The following ARFGEF3 variants were observed in gnomAD, a reference collection of about 807,000 sequenced individuals.
ARFGEF3 encodes the protein ARFGEF family member 3.
In ARFGEF3, 96 loss-of-function variants were observed where a neutral mutation model predicts 221.7. The ratio of observed to expected loss-of-function variants is 0.43; its 90% CI spans 0.37 to 0.51. The LOEUF is 0.51. ARFGEF3 is among the 20% of genes least tolerant of loss of function. The probability of loss-of-function intolerance (pLI) is 0.00; values close to 1 mark genes in which losing one functional copy is unlikely to be tolerated. For synonymous variants in ARFGEF3, 1,145 were observed against 1,126.8 expected (o/e 1.02, Z -0.32); for missense variants, 2,410 against 2,789.9 (o/e 0.86, Z 3.07).
intron 6 of ARFGEF3, among the ~76,000 whole-genome samples, chr6:138,239,371 G>A (rs186148514): frequency 1.3e-5 from 2 of 152,266 alleles, no homozygotes; most frequent in South Asian, 4.1e-4. Context: ...GTTACAGCTG[G>A]ACGTGGTGGC....
chr6:138,333,898 C>T (rs781602248), intron 32 of ARFGEF3, 72 bp from the exon 33 acceptor site: 3 of 1,484,854 alleles, frequency 2.0e-6, no homozygotes, highest in East Asian at 2.3e-5. Context: ...AAACGGGTAA[C>T]GTCTATATTG....
chr6:138,234,477 T>C (rs568035018), intron 5 of ARFGEF3, among the ~76,000 whole-genome samples: 1 of 147,120 alleles, frequency 6.8e-6, no homozygotes, highest in Non-Finnish European at 1.5e-5. Flanking sequence ...GTTCACCCCG[T>C]GTGTGTGTGT....
chr6:138,288,121 C>T (rs1274382406), intron 17 of ARFGEF3, among the ~76,000 whole-genome samples: 2 of 152,138 alleles, frequency 1.3e-5, no homozygotes, highest in Non-Finnish European at 2.9e-5. Flanking sequence ...CAGTGGCTTA[C>T]GCCTGTAATC....
At chr6:138,260,133 G>A (rs963134605) in intron 10 of ARFGEF3, among the ~76,000 whole-genome samples, 3 of 152,012 alleles carry the variant, frequency 2.0e-5, no homozygotes, top group African/African-American at 7.2e-5. Context: ...AGAGAGAGAG[G>A]GAAAGAGAGA....
intron 9 of ARFGEF3, 53 bp from the exon 10 acceptor site, chr6:138,255,383 A>G: frequency 7.3e-7 from 1 of 1,367,166 alleles, no homozygotes. Flanking sequence ...CGCAGAGTAA[A>G]TTTTATCATT....
Position 138,263,630 on chromosome 6 carries a change from G to A in ARFGEF3, c.2128+19G>A. On this transcript the variant is annotated intron_variant, in intron 12 of 33. Coordinates refer to ENST00000251691, the MANE Select transcript of ARFGEF3 (RefSeq NM_020340.5). ...TGCTCAGGTTTGTAAACAATTCTCTGCTGTATAGTCAACAAGATTATTCAG... is the reference window on the plus strand; with the variant it reads ...TGCTCAGGTTTGTAAACAATTCTCTACTGTATAGTCAACAAGATTATTCAG... The A allele has an allele frequency of 1.3e-6, 2 of 1,570,678 alleles. No individual in the cohort carries two copies. Among genetic ancestry groups the A allele is most frequent in the Non-Finnish European group, 1.7e-6 (2 of 1,160,838 alleles).
chr6:138,270,463 C>CATAT (rs1554254857), intron 12 of ARFGEF3, among the ~76,000 whole-genome samples: 3 of 123,810 alleles, frequency 2.4e-5, no homozygotes, highest in South Asian at 2.4e-4. Context: ...CACACACACA[C>CATAT]ATATATATAT....
rs889245635 is a variant in ARFGEF3, at chr6:138,255,872, C to T, written c.1104+103C>T. On this transcript the variant is annotated intron_variant, in intron 10 of 33. Transcript: ENST00000251691. ...AAGGCTTGCCAATCACTTGCCGGAA[C>T]TTCATTACTGCCTCATGGTGTCCAG... 3 of 944,724 alleles carry T rather than the reference C, an allele frequency of 3.2e-6. No individual in the cohort carries two copies. The African/African-American group carries it at 5.0e-5, about 16-fold the overall frequency. The allele number at this position is 944,724 out of a possible 1,614,324, so 58.5% of individuals were successfully genotyped here.
chr6:138,263,073 A>G lies in ARFGEF3; in HGVS notation c.1590A>G (p.Gly530=), dbSNP rs755253187. 2 of 1,613,696 alleles carry G rather than the reference A, an allele frequency of 1.2e-6. No homozygotes were observed. The highest frequency in any genetic ancestry group is 1.7e-6 in the Non-Finnish European group (2 of 1,179,768). The change falls in exon 12 of 34, where the codon GGA becomes GGG. Residue 530 remains glycine (G), a synonymous_variant. Transcript: ENST00000251691. ...LGQTTPEDHS[G]NHKNSLKSPA... ...AGACTACACCCGAGGACCATTCGGG[A>G]AACCACAAGAACAGTCTCAAGTCGC... is the stretch of plus-strand genomic sequence containing the variant.
chr6:138,212,170 A>G, intron 4 of ARFGEF3, among the ~76,000 whole-genome samples: 1 of 152,258 alleles, frequency 6.6e-6, no homozygotes, highest in South Asian at 2.1e-4. Flanking sequence ...TAACAAATGC[A>G]TTATGTCACA....
At chr6:138,307,728 A>G (rs1352607965) in intron 23 of ARFGEF3, among the ~76,000 whole-genome samples, 1 of 152,246 alleles carries the variant, frequency 6.6e-6, no homozygotes. Flanking sequence ...GAAAAGTATC[A>G]TAACACAGAG....
intron 17 of ARFGEF3, among the ~76,000 whole-genome samples, chr6:138,289,078 T>G (rs370064101): frequency 6.6e-6 from 1 of 152,256 alleles, no homozygotes; most frequent in East Asian, 1.9e-4. Context: ...CCCAGCCTCC[T>G]GAGTAGCTGG....
intron 2 of ARFGEF3, among the ~76,000 whole-genome samples, chr6:138,174,021 G>T (rs536974563): frequency 6.6e-6 from 1 of 152,150 alleles, no homozygotes; most frequent in East Asian, 1.9e-4. Flanking sequence ...TGAACCATAT[G>T]AATGAGACAC....
intron 6 of ARFGEF3, among the ~76,000 whole-genome samples, chr6:138,241,680 C>T (rs1778395433): frequency 6.6e-6 from 1 of 152,078 alleles, no homozygotes; most frequent in African/African-American, 2.4e-5. Flanking sequence ...ACATCATGGG[C>T]CACCTCAAAA....
chr6:138,264,727 A>C (rs1778855041), intron 12 of ARFGEF3, among the ~76,000 whole-genome samples: 1 of 152,078 alleles, frequency 6.6e-6, no homozygotes, highest in African/African-American at 2.4e-5. Flanking sequence ...TTCTAACAAA[A>C]CTTCACACAC....
chr6:138,213,061 G>T (rs1777761786), intron 4 of ARFGEF3, among the ~76,000 whole-genome samples: 1 of 151,940 alleles, frequency 6.6e-6, no homozygotes, highest in African/African-American at 2.4e-5. Context: ...GGTCGAGGTG[G>T]GGGGCTCACG....
chr6:138,300,428 A>T (rs535420123), intron 22 of ARFGEF3, among the ~76,000 whole-genome samples: 128 of 152,278 alleles, frequency 8.4e-4, no homozygotes, highest in African/African-American at 2.6e-3. Context: ...CAACTTTCTC[A>T]CAGGGAACAA....
rs771752189 is a variant in ARFGEF3 at position 138,294,105 on chromosome 6, G to A, written c.3481G>A (p.Asp1161Asn). 6.2e-7 allele frequency: 1 copy of A among 1,613,794 alleles called. No homozygotes were observed. The highest frequency in any genetic ancestry group is 8.5e-7 in the Non-Finnish European group (1 of 1,179,848). ...QLFHSVTDTVDYSLAMPGEVK... is the reference protein window; with the variant it reads ...QLFHSVTDTVNYSLAMPGEVK... Reference sequence around the variant, plus strand: ...TTTCCATTCTGTTACAGATACAGTTGATTACTCTCTGGCAATGCCAGGTAA... The same window carrying A: ...TTTCCATTCTGTTACAGATACAGTTAATTACTCTCTGGCAATGCCAGGTAA... Residue 1161 changes from aspartate to asparagine, a missense_variant, in exon 20 of 34, where the codon GAT becomes AAT. Around this residue, in one of 5 missense-constraint regions of ARFGEF3, gnomAD observed 723 missense variants for 991.9 expected, o/e 0.73. Transcript: ENST00000251691.
At chr6:138,195,760 A>G (rs548094881) in intron 2 of ARFGEF3, among the ~76,000 whole-genome samples, 1 of 152,316 alleles carries the variant, frequency 6.6e-6, no homozygotes, top group African/African-American at 2.4e-5. Context: ...AGGCATACCA[A>G]TATTTTAATT....
Sources: gnomAD v4.1 joint callset for allele counts (sites outside exome capture counted in the v4.1 genomes callset) on GRCh38, gnomAD v4.1.1 for gene constraint, gnomAD v4.1.1 regional missense constraint, MANE v1.5 for transcripts, NCBI Gene and HGNC (gene_info 2026-07-23, HGNC 2026-07-21) for gene names.